Variants in PDE7B observed in about 807,000 individuals in gnomAD.
The protein encoded by PDE7B is phosphodiesterase 7B.
PDE7B carries 29 observed loss-of-function variants against 56.2 expected under a neutral mutation model. That is an observed-to-expected ratio of 0.52 (90% confidence interval 0.38 to 0.70). PDE7B has a LOEUF of 0.70. PDE7B is among the 30% of genes least tolerant of loss of function. The pLI is 0.00. For missense variants in PDE7B, 490 were observed against 565.0 expected, an observed-to-expected ratio of 0.87 and a Z score of 1.35; for synonymous variants, 197 against 196.9, an observed-to-expected ratio of 1.00 and a Z score of 0.00.
chr6:135,865,615 T>TTGTGTGTGTGTGTGTG (rs3037648), intron 1 of PDE7B, among the ~76,000 whole-genome samples: 32 of 142,370 alleles, frequency 2.2e-4, no homozygotes, highest in African/African-American at 7.1e-4. Context: ...GCACTAGGCA[T>TTGTGTGTGTGTGTGTG]TGTGTGTGTG....
intron 1 of PDE7B, among the ~76,000 whole-genome samples, chr6:135,924,865 G>A (rs1774156484): frequency 6.6e-6 from 1 of 151,652 alleles, no homozygotes; most frequent in African/African-American, 2.4e-5. Flanking sequence ...GTTAGGTTGA[G>A]TGGGTAGGTT....
At chr6:136,037,630 C>G (rs548234057) in intron 2 of PDE7B, 1 of 985,274 alleles carries the variant, frequency 1.0e-6, no homozygotes, top group African/African-American at 1.7e-5. Context: ...TTGAGAACTC[C>G]TTGGGGCTTG....
chr6:136,050,079 G>C (rs1776597873), intron 2 of PDE7B, among the ~76,000 whole-genome samples: 1 of 152,182 alleles, frequency 6.6e-6, no homozygotes, highest in Non-Finnish European at 1.5e-5. Flanking sequence ...CAGCCACGCT[G>C]CTGGTCATGG....
intron 2 of PDE7B, among the ~76,000 whole-genome samples, chr6:136,008,836 T>G: frequency 6.6e-6 from 1 of 152,128 alleles, no homozygotes; most frequent in East Asian, 1.9e-4. Context: ...CTCTTTAGTT[T>G]AATTAGATCC....
chr6:135,981,596 G>A (rs1379125639), intron 2 of PDE7B, among the ~76,000 whole-genome samples: 1 of 149,050 alleles, frequency 6.7e-6, no homozygotes, highest in Admixed American at 6.7e-5. Context: ...TTGACCCTGG[G>A]TAGGCCTAGG....
At chr6:136,078,802 C>G (rs1777161058) in intron 2 of PDE7B, among the ~76,000 whole-genome samples, 1 of 152,028 alleles carries the variant, frequency 6.6e-6, no homozygotes, top group Non-Finnish European at 1.5e-5. Context: ...GCACTATACA[C>G]TCATAAAATA....
intron 2 of PDE7B, among the ~76,000 whole-genome samples, chr6:136,096,859 TTC>T (rs141459205): frequency 1.7e-4 from 26 of 149,850 alleles, no homozygotes; most frequent in Admixed American, 2.0e-4. Flanking sequence ...AGGACTATGC[TTC>T]TCTCTCTCTC....
At chr6:136,141,001 T>C (rs576514500) in intron 3 of PDE7B, among the ~76,000 whole-genome samples, 61 of 152,286 alleles carry the variant, frequency 4.0e-4, no homozygotes, top group Middle Eastern at 3.4e-3. Flanking sequence ...TCCAACACTA[T>C]GTTGAATAGG....
intron 1 of PDE7B, among the ~76,000 whole-genome samples, chr6:135,920,564 T>C (rs970874828): frequency 3.9e-5 from 6 of 152,188 alleles, no homozygotes; most frequent in African/African-American, 1.2e-4. Flanking sequence ...AGTGAATGTT[T>C]TTCCATTCCT....
At chr6:136,098,538 G>A (rs1366456321) in intron 2 of PDE7B, among the ~76,000 whole-genome samples, 1 of 152,012 alleles carries the variant, frequency 6.6e-6, no homozygotes, top group African/African-American at 2.4e-5. Flanking sequence ...GGATTGCTAG[G>A]GAGCCATTTA....
intron 3 of PDE7B, among the ~76,000 whole-genome samples, chr6:136,122,651 G>A (rs1409955374): frequency 6.6e-6 from 1 of 152,182 alleles, no homozygotes; most frequent in Non-Finnish European, 1.5e-5. Context: ...TCTAAAATTA[G>A]CTGGTATCTA....
intron 2 of PDE7B, among the ~76,000 whole-genome samples, chr6:135,959,454 A>T (rs1044644857): frequency 2.0e-5 from 3 of 152,214 alleles, no homozygotes; most frequent in African/African-American, 7.2e-5. Context: ...AACATCTTGG[A>T]AGTATATATT....
chr6:135,880,955 C>CT, intron 1 of PDE7B, among the ~76,000 whole-genome samples: 1 of 152,126 alleles, frequency 6.6e-6, no homozygotes, highest in Non-Finnish European at 1.5e-5. Context: ...AGAGAAAACT[C>CT]TTTTTCTTTT....
chr6:135,931,953 GCA>G (rs35849934), intron 1 of PDE7B, among the ~76,000 whole-genome samples: 9,007 of 64,212 alleles, frequency 0.14, 425 homozygotes, highest in African/African-American at 0.2. Flanking sequence ...ACACGCGCGC[GCA>G]CACACACACA....
At chr6:136,116,347 C>G (rs1361725587) in intron 3 of PDE7B, among the ~76,000 whole-genome samples, 1 of 152,184 alleles carries the variant, frequency 6.6e-6, no homozygotes, top group Non-Finnish European at 1.5e-5. Flanking sequence ...TCAAACTTGT[C>G]TCATTAAGAA....
At chr6:135,903,895 T>C (rs1019327115) in intron 1 of PDE7B, among the ~76,000 whole-genome samples, 1 of 152,146 alleles carries the variant, frequency 6.6e-6, no homozygotes, top group Non-Finnish European at 1.5e-5. Flanking sequence ...CATTAGAAGG[T>C]GAAATATATG....
At chr6:135,889,236 A>G (rs1775763586) in intron 1 of PDE7B, among the ~76,000 whole-genome samples, 1 of 152,066 alleles carries the variant, frequency 6.6e-6, no homozygotes, top group African/African-American at 2.4e-5. Flanking sequence ...TCAGGCTCTC[A>G]CTGAACCACC....
chr6:136,108,886 C>G, intron 3 of PDE7B, 72 bp downstream of exon 3: 2 of 983,412 alleles, frequency 2.0e-6, no homozygotes, highest in Non-Finnish European at 3.3e-6. Context: ...CCTCATTTCC[C>G]TCTGAACTTC....
chr6:136,191,907 G>C lies in PDE7B; in HGVS notation c.*67G>C. The C allele has an allele frequency of 8.2e-7, 1 of 1,216,774 alleles. No homozygotes were observed. The highest frequency in any genetic ancestry group is 1.3e-5 in the South Asian group (1 of 74,894). 75.4% of individuals were successfully genotyped at this position (1,216,774 alleles called of 1,614,324 possible). On this transcript the variant is annotated 3_prime_UTR_variant, in exon 13 of 13. Coordinates refer to ENST00000308191, the MANE Select transcript of PDE7B (RefSeq NM_018945.4). ...CCCAGAGGGCAGAAGCAGCGTGGAG[G>C]GGCCCTCACGCAGCAGCCCAGCCAC... is the stretch of plus-strand genomic sequence containing the variant.
Sources: allele counts gnomAD v4.1 joint callset (sites outside exome capture counted in the v4.1 genomes callset), GRCh38; gene constraint gnomAD v4.1.1; transcripts MANE v1.5; gene names NCBI Gene and HGNC (gene_info 2026-07-23, HGNC 2026-07-21).